Variants in ABCA9 observed in about 807,000 individuals in gnomAD.
ABCA9 encodes the protein ATP binding cassette subfamily A member 9.
ABCA9 carries 183 observed loss-of-function variants against 205.3 expected under a neutral mutation model. The ratio of observed to expected loss-of-function variants is 0.89; its 90% CI spans 0.79 to 1.01. ABCA9 has a LOEUF of 1.01. Ranked by LOEUF, ABCA9 falls within the 50% of genes least tolerant of loss-of-function variation. The pLI is 0.00. For missense variants in ABCA9, 1,805 were observed against 1,912.4 expected, an observed-to-expected ratio of 0.94 and a Z score of 1.05; for synonymous variants, 651 against 683.3, an observed-to-expected ratio of 0.95 and a Z score of 0.74.
rs1291253411 is a variant in ABCA9, at chr17:69,060,096, C to T, written c.-14+770G>A. Reference sequence around the variant, plus strand: ...TGAATAAAAAACAATTACATAATCTCATTGTCATGAATGTGGTTATTTATC... The same window carrying T: ...TGAATAAAAAACAATTACATAATCTTATTGTCATGAATGTGGTTATTTATC... On this transcript the variant is annotated intron_variant, in intron 1 of 38. Transcript: ENST00000340001. Among the ~76,000 whole-genome samples the T allele has an allele frequency of 7.9e-5, 12 of 152,264 alleles. No individual in the cohort carries two copies. In the East Asian group the frequency reaches 1.9e-3, roughly 24 times the overall value.
intron 31 of ABCA9, among the ~76,000 whole-genome samples, chr17:68,988,391 T>C (rs1487397360): frequency 6.6e-6 from 1 of 152,200 alleles, no homozygotes; most frequent in East Asian, 1.9e-4. Flanking sequence ...TCCTGGATCT[T>C]TTACCATTAG....
chr17:69,055,560 T>A (rs1229926526), intron 1 of ABCA9, among the ~76,000 whole-genome samples: 1 of 152,202 alleles, frequency 6.6e-6, no homozygotes, highest in Non-Finnish European at 1.5e-5. Flanking sequence ...TCCACTCTTA[T>A]AGTTGGAGAC....
chr17:69,015,871 G>GA, intron 22 of ABCA9, among the ~76,000 whole-genome samples: 1 of 151,972 alleles, frequency 6.6e-6, no homozygotes, highest in African/African-American at 2.4e-5. Context: ...GATGGTGACA[G>GA]ATCTAGACCA....
At chr17:69,062,098 G>T (rs752773758), upstream of ABCA9, among the ~76,000 whole-genome samples, 51 of 151,310 alleles carry the variant, frequency 3.4e-4, no homozygotes, top group Non-Finnish European at 7.2e-4. Context: ...AGCAGTCTGT[G>T]GAAGTAGGCT....
At chr17:69,062,299 T>C (rs2072276646), upstream of ABCA9, among the ~76,000 whole-genome samples, 1 of 152,084 alleles carries the variant, frequency 6.6e-6, no homozygotes. Context: ...AAATTTTTTT[T>C]CAGTAACTTG....
rs758640484 is a variant in ABCA9 at position 69,051,113 on chromosome 17, C to T, written c.14G>A (p.Arg5His). Residue 5 changes from arginine (R) to histidine (H), a missense_variant, in exon 2 of 39, where the codon CGC becomes CAC. Physicochemically the swap from Arg to His is conservative, Grantham distance 29. Coordinates refer to ENST00000340001, the MANE Select transcript of ABCA9 (RefSeq NM_080283.4). Reference protein sequence around the residue: MSKRRMSVGQQTWAL... With the variant: MSKRHMSVGQQTWAL... ...CCATGTTTGCTGACCCACGCTCATG[C>T]GTCTCTTGCTCATTTTGACCTGTTT... 3.7e-6 allele frequency: 6 copies of T among 1,613,348 alleles called. No homozygotes were observed. The highest frequency in any genetic ancestry group is 5.1e-6 in the Non-Finnish European group (6 of 1,179,654).
intron 25 of ABCA9, among the ~76,000 whole-genome samples, chr17:68,999,987 C>T (rs1283523813): frequency 7.2e-4 from 110 of 152,058 alleles, no homozygotes; most frequent in African/African-American, 2.5e-3. Flanking sequence ...TGTTTTTTCT[C>T]GTAAATTTGT....
intron 25 of ABCA9, among the ~76,000 whole-genome samples, chr17:69,006,886 CAGAG>C (rs1475214599): frequency 6.6e-6 from 1 of 152,080 alleles, no homozygotes; most frequent in African/African-American, 2.4e-5. Context: ...AGAGTAGAAA[CAGAG>C]AGACCAGTTA....
At chr17:69,017,056 ATAAACT>A (rs1323807316) in intron 21 of ABCA9, among the ~76,000 whole-genome samples, 16 of 152,310 alleles carry the variant, frequency 1.1e-4, no homozygotes, top group African/African-American at 3.8e-4. Flanking sequence ...ATACTGAAAA[ATAAACT>A]TAAGATATAA....
intron 36 of ABCA9, 114 bp from the exon 37 acceptor site, chr17:68,982,755 T>C: frequency 1.3e-6 from 1 of 756,364 alleles, no homozygotes; most frequent in East Asian, 2.5e-5. Flanking sequence ...CTGTAACCAC[T>C]GCAATTTGGG....
chr17:68,988,496 T>C (rs1359994113), intron 31 of ABCA9, among the ~76,000 whole-genome samples: 1 of 152,188 alleles, frequency 6.6e-6, no homozygotes, highest in East Asian at 1.9e-4. Flanking sequence ...GGCCAAGAAA[T>C]GTTTCAATAA....
At position 68,987,758 on chromosome 17, in the gene ABCA9, G is replaced by GTTTTT. The variant is rs72302464; in HGVS notation, c.4047+1268_4047+1269insAAAAA. The stretch of plus-strand genomic sequence containing the variant: ...TGCGTTTTTTTTTGTTTGTTTGTTT[G>GTTTTT]TTTGTTTGTTTTTTTGTTTGAGATG... On this transcript the variant is annotated intron_variant, in intron 31 of 38. Transcript: ENST00000340001. Among the ~76,000 whole-genome samples, 7 of 95,496 alleles carry GTTTTT rather than the reference G, an allele frequency of 7.3e-5. 2 individuals are homozygous for GTTTTT. The highest frequency in any genetic ancestry group is 1.9e-4 in the African/African-American group (6 of 31,392). The allele number at this position is 95,496 out of a possible 152,430, so 62.6% of individuals were successfully genotyped here.
chr17:69,057,896 A>G (rs976274119), intron 1 of ABCA9, among the ~76,000 whole-genome samples: 9 of 152,162 alleles, frequency 5.9e-5, no homozygotes, highest in African/African-American at 2.2e-4. Flanking sequence ...TAGAATTTAC[A>G]TTGCATTAGG....
At position 69,006,905 on chromosome 17, in the gene ABCA9, T is replaced by C. The variant is rs188339316; in HGVS notation, c.3435+854A>G. Among the ~76,000 whole-genome samples, 300 of 152,290 alleles carry C rather than the reference T, an allele frequency of 2.0e-3. 3 individuals carry two copies. The highest frequency in any genetic ancestry group is 6.8e-3 in the African/African-American group (282 of 41,562). On this transcript the variant is annotated intron_variant, in intron 25 of 38. Transcript: ENST00000340001. Reference sequence around the variant, plus strand: ...TAGAAACAGAGAGACCAGTTACAGATATGTTGCGCTACTCTAGGTGACAGA... The same window carrying C: ...TAGAAACAGAGAGACCAGTTACAGACATGTTGCGCTACTCTAGGTGACAGA...
At chr17:68,995,778 G>T in intron 26 of ABCA9, 117 bp downstream of exon 26, 1 of 1,335,852 alleles carries the variant, frequency 7.5e-7, no homozygotes, top group Non-Finnish European at 1.0e-6. Context: ...ACTTTCCAAA[G>T]ACAGAGACTT....
chr17:69,030,836 A>G (rs566503777), intron 10 of ABCA9, among the ~76,000 whole-genome samples: 4 of 152,312 alleles, frequency 2.6e-5, no homozygotes, highest in Admixed American at 6.5e-5. Context: ...TAGAATCTAT[A>G]CTGTGGTTGG....
chr17:68,984,283 G>A lies in ABCA9; in HGVS notation c.4380-108C>T. The A allele has an allele frequency of 9.4e-6, 14 of 1,485,572 alleles. No homozygotes were observed. In the Admixed American group the frequency reaches 1.0e-4, roughly 11 times the overall value. 92.0% of individuals were successfully genotyped at this position (1,485,572 alleles called of 1,614,324 possible). ...AAAGATGAAACATGCAGCGAATTCA[G>A]ACTAGACAAAAAAGGGGTGTGTGTA... On this transcript the variant is annotated intron_variant, in intron 34 of 38. Coordinates refer to ENST00000340001, the MANE Select transcript of ABCA9 (RefSeq NM_080283.4).
chr17:69,067,641 A>G, the ABCA9 span, among the ~76,000 whole-genome samples: 1 of 151,942 alleles, frequency 6.6e-6, no homozygotes, highest in East Asian at 1.9e-4. Context: ...AGAAACAAAG[A>G]GAAAGAAAAG....
At chr17:69,004,119 G>C (rs2070006127) in intron 25 of ABCA9, among the ~76,000 whole-genome samples, 1 of 152,200 alleles carries the variant, frequency 6.6e-6, no homozygotes, top group Non-Finnish European at 1.5e-5. Context: ...CTCTCAGCTT[G>C]TCAAAGTCAT....
Sources: allele counts gnomAD v4.1 joint callset (sites outside exome capture counted in the v4.1 genomes callset), GRCh38; gene constraint gnomAD v4.1.1; transcripts MANE v1.5; gene names NCBI Gene and HGNC (gene_info 2026-07-23, HGNC 2026-07-21).